Variants in PLAU observed in about 807,000 individuals in gnomAD.
The protein encoded by PLAU is urokinase-type plasminogen activator.
Under a neutral mutation model 48.9 loss-of-function variants are expected in PLAU, and 32 were observed. The ratio of observed to expected loss-of-function variants is 0.65; its 90% CI spans 0.49 to 0.88. The LOEUF is 0.88. Ranked by LOEUF, PLAU falls within the 40% of genes least tolerant of loss-of-function variation. The pLI is 0.00. For missense variants in PLAU, 455 were observed against 545.2 expected, an observed-to-expected ratio of 0.83 and a Z score of 1.65; for synonymous variants, 199 against 205.7, an observed-to-expected ratio of 0.97 and a Z score of 0.28.
At position 73,915,328 on chromosome 10, in the gene PLAU, T is replaced by C. The variant is rs72816325; in HGVS notation, c.1048T>C (p.Tyr350His). 7,045 of 1,613,954 alleles carry C rather than the reference T, an allele frequency of 4.4e-3. 21 individuals carry two copies. Among genetic ancestry groups the C allele is most frequent in the Middle Eastern group, 8.9e-3 (54 of 6,058 alleles). The stretch of plus-strand genomic sequence containing the variant: ...CCACCGGGAGTGTCAGCAGCCCCAC[T>C]ACTACGGCTCTGAAGTCACCACCAA... ...ISHRECQQPHYYGSEVTTKML... is the reference protein window; with the variant it reads ...ISHRECQQPHHYGSEVTTKML... The change falls in exon 10 of 11, where the codon TAC (tyrosine) becomes CAC (histidine). Residue 350 changes from tyrosine to histidine, a missense_variant. Coordinates refer to ENST00000372764, the MANE Select transcript of PLAU (RefSeq NM_002658.6).
chr10:73,913,654 G>C lies in PLAU; in HGVS notation c.576G>C (p.Trp192Cys). ...GEFTTIENQP[W>C]FAAIYRRHRG... ...TCACCACCATCGAGAACCAGCCCTG[G>C]TTTGCGGCCATCTACAGGAGGCACC... Residue 192 changes from tryptophan (W) to cysteine (C), a missense_variant, in exon 7 of 11, where the codon TGG (tryptophan) becomes TGC (cysteine). By Grantham distance (215) the Trp-to-Cys change is radical. Transcript: ENST00000372764. The C allele has an allele frequency of 6.2e-7, 1 of 1,614,022 alleles. No homozygotes were observed. The highest frequency in any genetic ancestry group is 8.5e-7 in the Non-Finnish European group (1 of 1,179,994).
chr10:73,912,849 CAAA>C, intron 4 of PLAU, 72 bp from the exon 5 acceptor site: 1 of 1,032,540 alleles, frequency 9.7e-7, no homozygotes. Context: ...GACTCCATCT[CAAA>C]AAAAAAAAAT....
rs1177068781 is a variant in PLAU, at chr10:73,914,817, C to A, written c.871C>A (p.Pro291Thr). 1 of 1,614,100 alleles carries A rather than the reference C, an allele frequency of 6.2e-7. No individual in the cohort carries two copies. The highest frequency in any genetic ancestry group is 1.6e-4 in the Middle Eastern group (1 of 6,062). ...IRSKEGRCAQ[P>T]SRTIQTICLP... ...TTCCAAGGAGGGCAGGTGTGCGCAG[C>A]CATCCCGGACTATACAGACCATCTG... The change falls in exon 9 of 11, where the codon CCA becomes ACA. Residue 291 changes from proline to threonine, a missense_variant. Physicochemically the swap from Pro to Thr is conservative, Grantham distance 38 (BLOSUM62 -1). Transcript: ENST00000372764.
intron 9 of PLAU, 111 bp downstream of exon 9, chr10:73,915,027 C>A: frequency 3.2e-6 from 4 of 1,255,604 alleles, no homozygotes; most frequent in South Asian, 1.4e-5. Flanking sequence ...AGCACTGAGG[C>A]GGTGGCAGAT....
chr10:73,915,270 G>A lies in PLAU; in HGVS notation c.990G>A (p.Glu330=). ...KENSTDYLYP[E]QLKMTVVKLI... ...ACCTAGCCGACTATCTCTATCCGGA[G>A]CAGCTGAAAATGACTGTTGTGAAGC... is the stretch of plus-strand genomic sequence containing the variant. Residue 330 remains glutamate, a synonymous_variant, in exon 10 of 11, where the codon GAG becomes GAA. Transcript: ENST00000372764. 6.2e-7 allele frequency: 1 copy of A among 1,613,844 alleles called. No individual in the cohort carries two copies. The highest frequency in any genetic ancestry group is 2.2e-5 in the East Asian group (1 of 44,880).
intron 4 of PLAU, among the ~76,000 whole-genome samples, 158 bp downstream of exon 4, chr10:73,912,480 T>C (rs1346919538): frequency 6.6e-6 from 1 of 152,046 alleles, no homozygotes; most frequent in East Asian, 1.9e-4. Flanking sequence ...CACGAAACAG[T>C]GGCCACACAA....
chr10:73,914,121 C>T lies in PLAU; in HGVS notation c.822C>T (p.Asn274=), dbSNP rs2227568. Residue 274 remains asparagine (N), a synonymous_variant, in exon 8 of 11, where the codon AAC becomes AAT. Coordinates refer to ENST00000372764, the MANE Select transcript of PLAU (RefSeq NM_002658.6). ...DYSADTLAHH[N]DIALLKIRSK... ...GCGCTGACACGCTTGCTCACCACAA[C>T]GACATTGGTGAGGGGGAACCCCGCG... 0.16 allele frequency: 252,513 copies of T among 1,613,432 alleles called. 21,791 individuals carry two copies. The highest frequency in any genetic ancestry group is 0.32 in the East Asian group (14,327 of 44,844).
chr10:73,913,997 A>T lies in PLAU; in HGVS notation c.698A>T (p.Glu233Val). The T allele has an allele frequency of 1.9e-6, 3 of 1,613,710 alleles. No homozygotes were observed. Among genetic ancestry groups the T allele is most frequent in the African/African-American group, 2.7e-5 (2 of 75,048 alleles). ...THCFIDYPKK[E>V]DYIVYLGRSR... ...TCCCACAGTGATTACCCAAAGAAGG[A>T]GGACTACATCGTCTACCTGGGTCGC... is the stretch of plus-strand genomic sequence containing the variant. Residue 233 changes from glutamate to valine, a missense_variant, in exon 8 of 11, where the codon GAG becomes GTG. Transcript: ENST00000372764.
intron 10 of PLAU, among the ~76,000 whole-genome samples, chr10:73,916,043 C>T (rs562935956): frequency 2.8e-4 from 43 of 152,120 alleles, no homozygotes; most frequent in African/African-American, 7.7e-4. Flanking sequence ...AGTTTGAGAC[C>T]GGCCTGGCCA....
At position 73,913,344 on chromosome 10, in the gene PLAU, G is replaced by T. The variant is rs770199271; in HGVS notation, c.423G>T (p.Leu141=). 1.9e-6 allele frequency: 3 copies of T among 1,614,126 alleles called. No homozygotes were observed. Among genetic ancestry groups the T allele is most frequent in the African/African-American group, 1.3e-5 (1 of 75,026 alleles). ...PWCYVQVGLK[L]LVQECMVHDC... ...GCTATGTGCAGGTGGGCCTAAAGCT[G>T]CTTGTCCAAGAGTGCATGGTGCATG... The change falls in exon 6 of 11, where the codon CTG becomes CTT. Residue 141 remains leucine (L), a synonymous_variant. Transcript: ENST00000372764.
chr10:73,911,405 A>G, intron 1 of PLAU, 120 bp from the exon 2 acceptor site: 1 of 1,059,572 alleles, frequency 9.4e-7, no homozygotes. Context: ...CGGAGCCCAG[A>G]GAGGAGAGAG....
In PLAU at chr10:73,916,529, CA is replaced by C; in HGVS notation, c.1261del (p.Ser421ValfsTer32). The C allele has an allele frequency of 1.2e-6, 2 of 1,613,812 alleles. No homozygotes were observed. The highest frequency in any genetic ancestry group is 1.7e-6 in the Non-Finnish European group (2 of 1,179,904). The part of the protein sequence containing the change: ...RVSHFLPWIR[S>X]HTKEENGLAL ...TCTCACACTTCTTACCCTGGATCCG[CA>C]GTCACACCAAGGAAGAGAATGGCCT... On this transcript the variant is annotated frameshift_variant, in exon 11 of 11. Coordinates refer to ENST00000372764, the MANE Select transcript of PLAU (RefSeq NM_002658.6). LOFTEE classifies it low-confidence loss of function (END_TRUNC).
At chr10:73,915,726 G>A (rs1275274834) in intron 10 of PLAU, among the ~76,000 whole-genome samples, 1 of 152,178 alleles carries the variant, frequency 6.6e-6, no homozygotes, top group Admixed American at 6.5e-5. Context: ...GCCAACCTGA[G>A]GGTCAGGGAG....
At chr10:73,916,296 ACT>A (rs2136192362) in intron 10 of PLAU, 91 bp from the exon 11 acceptor site, 1 of 1,144,344 alleles carries the variant, frequency 8.7e-7, no homozygotes, top group South Asian at 1.3e-5. Context: ...TGACTGGGAA[ACT>A]CTTCCCTCTC....
In PLAU at chr10:73,916,497, A is replaced by C; in HGVS notation, c.1228A>C (p.Thr410Pro). The change falls in exon 11 of 11, where the codon ACG becomes CCG. Residue 410 changes from threonine (T) to proline (P), a missense_variant. Transcript: ENST00000372764. ...CCTGAAGGACAAGCCAGGCGTCTAC[A>C]CGAGAGTCTCACACTTCTTACCCTG... ...CALKDKPGVY[T>P]RVSHFLPWIR... The C allele has an allele frequency of 3.1e-6, 5 of 1,614,038 alleles. No homozygotes were observed. The highest frequency in any genetic ancestry group is 4.2e-6 in the Non-Finnish European group (5 of 1,179,964).
intron 1 of PLAU, 37 bp downstream of exon 1, chr10:73,911,255 C>A (rs1363320590): frequency 2.1e-6 from 1 of 470,302 alleles, no homozygotes; most frequent in Non-Finnish European, 3.8e-6. Flanking sequence ...GGGCCGGATG[C>A]GCGGCGGCCC....
rs1158868534 is a variant in PLAU, at chr10:73,914,759, C to T, written c.830-17C>T. ...CCAGTAGTGATCTTTCTCCTCTGAC[C>T]CTCTGTCCTCCCCCAGCCTTGCTGA... On this transcript the variant is annotated splice_polypyrimidine_tract_variant and intron_variant, in intron 8 of 10. Transcript: ENST00000372764. The T allele has an allele frequency of 1.2e-6, 2 of 1,610,838 alleles. No homozygotes were observed. Among genetic ancestry groups the T allele is most frequent in the East Asian group, 4.5e-5 (2 of 44,838 alleles).
chr10:73,913,704 G>A lies in PLAU; in HGVS notation c.626G>A (p.Cys209Tyr), dbSNP rs1160161785. ...CGGGGGGGCTCTGTCACCTACGTGT[G>A]TGGAGGCAGCCTCATCAGCCCTTGC... is the stretch of plus-strand genomic sequence containing the variant. ...RHRGGSVTYV[C>Y]GGSLISPCWV... is the part of the protein sequence containing the mutation. The change falls in exon 7 of 11, where the codon TGT becomes TAT. Residue 209 changes from cysteine to tyrosine, a missense_variant. Coordinates refer to ENST00000372764, the MANE Select transcript of PLAU (RefSeq NM_002658.6). The A allele has an allele frequency of 6.2e-7, 1 of 1,613,066 alleles. No homozygotes were observed. The highest frequency in any genetic ancestry group is 8.5e-7 in the Non-Finnish European group (1 of 1,179,546).
intron 2 of PLAU, 164 bp from the exon 3 acceptor site, chr10:73,911,877 C>G (rs1206748975): frequency 3.9e-6 from 6 of 1,557,184 alleles, no homozygotes; most frequent in Non-Finnish European, 5.2e-6. Flanking sequence ...ATCCATTTCT[C>G]CTGGCTGGAA....
Sources: allele counts gnomAD v4.1 joint callset (sites outside exome capture counted in the v4.1 genomes callset), GRCh38; gene constraint gnomAD v4.1.1; transcripts MANE v1.5; gene names NCBI Gene and HGNC (gene_info 2026-07-23, HGNC 2026-07-21).